PGCKA1: variants seen among roughly 807,000 people sequenced by gnomAD.
PGCKA1 encodes PDCD10 and GCKIII kinases associated 1.
the PGCKA1 span, among the ~76,000 whole-genome samples, chr4:37,457,511 T>G: frequency 1.3e-5 from 2 of 152,252 alleles, no homozygotes; most frequent in African/African-American, 4.8e-5. Context: ...ATTTATTCAC[T>G]TGATCACTAG....
the PGCKA1 span, among the ~76,000 whole-genome samples, chr4:37,518,386 C>G: frequency 6.6e-6 from 1 of 152,198 alleles, no homozygotes; most frequent in Non-Finnish European, 1.5e-5. Flanking sequence ...ACATTCCCAC[C>G]AACAGTGTAT....
the PGCKA1 span, among the ~76,000 whole-genome samples, chr4:37,536,557 G>C: frequency 6.6e-6 from 1 of 152,068 alleles, no homozygotes; most frequent in Non-Finnish European, 1.5e-5. Context: ...GGTCTGAAAA[G>C]GTACACTTCC....
the PGCKA1 span, among the ~76,000 whole-genome samples, chr4:37,469,447 G>C: frequency 6.6e-6 from 1 of 152,122 alleles, no homozygotes. Flanking sequence ...AGGAGAGAAA[G>C]CGTGGAAGAG....
the PGCKA1 span, among the ~76,000 whole-genome samples, chr4:37,503,036 G>A: frequency 6.6e-6 from 1 of 152,080 alleles, no homozygotes; most frequent in Non-Finnish European, 1.5e-5. Context: ...GGCGTCCCTG[G>A]CCATACTCCA....
At chr4:37,474,742 A>T in the PGCKA1 span, among the ~76,000 whole-genome samples, 1 of 152,174 alleles carries the variant, frequency 6.6e-6, no homozygotes, top group African/African-American at 2.4e-5. Flanking sequence ...TGAAGCTAGT[A>T]AGTGACAGAG....
the PGCKA1 span, among the ~76,000 whole-genome samples, chr4:37,462,791 G>A: frequency 3.3e-5 from 5 of 151,564 alleles, no homozygotes; most frequent in African/African-American, 4.8e-5. Flanking sequence ...TCAGGAGATC[G>A]AGGCCATCCT....
chr4:37,590,747 C>A, the PGCKA1 span: 1 of 1,614,118 alleles, frequency 6.2e-7, no homozygotes, highest in Admixed American at 1.7e-5. Flanking sequence ...GGTTTGAATA[C>A]GCCCTTCTCT....
chr4:37,464,974 G>A, the PGCKA1 span, among the ~76,000 whole-genome samples: 48 of 152,292 alleles, frequency 3.2e-4, no homozygotes, highest in Non-Finnish European at 1.6e-4. Flanking sequence ...TAAGTAGGGA[G>A]ACTAAAGAAA....
At chr4:37,459,380 A>G in the PGCKA1 span, among the ~76,000 whole-genome samples, 7 of 152,162 alleles carry the variant, frequency 4.6e-5, no homozygotes, top group Non-Finnish European at 7.3e-5. Flanking sequence ...CCTATTTAGA[A>G]TAGTATCTGT....
the PGCKA1 span, among the ~76,000 whole-genome samples, chr4:37,485,468 C>T: frequency 6.6e-6 from 1 of 152,122 alleles, no homozygotes; most frequent in African/African-American, 2.4e-5. Context: ...TTCCACCTTC[C>T]CCCATGGAAT....
chr4:37,498,088 A>G, the PGCKA1 span, among the ~76,000 whole-genome samples: 1 of 152,204 alleles, frequency 6.6e-6, no homozygotes, highest in African/African-American at 2.4e-5. Context: ...ATTTTTGTAT[A>G]AGGTTAGAGA....
chr4:37,564,242 C>T, the PGCKA1 span, among the ~76,000 whole-genome samples: 15 of 145,510 alleles, frequency 1.0e-4, no homozygotes, highest in Admixed American at 9.9e-4. Flanking sequence ...CCACTGCACT[C>T]CAGCCTGGGT....
At chr4:37,570,503 A>G in the PGCKA1 span, among the ~76,000 whole-genome samples, 1 of 149,834 alleles carries the variant, frequency 6.7e-6, no homozygotes, top group Admixed American at 6.7e-5. Flanking sequence ...TAGATTCATT[A>G]CTGTCTATAA....
chr4:37,479,816 G>A, the PGCKA1 span, among the ~76,000 whole-genome samples: 1 of 152,142 alleles, frequency 6.6e-6, no homozygotes, highest in Non-Finnish European at 1.5e-5. Flanking sequence ...AAAACAAGAA[G>A]CTGTTATAAT....
the PGCKA1 span, among the ~76,000 whole-genome samples, chr4:37,569,985 T>TC: frequency 1.4e-5 from 2 of 146,200 alleles, no homozygotes; most frequent in Non-Finnish European, 3.0e-5. Flanking sequence ...AATCCTTTTT[T>TC]TTTTTTTTTT....
At chr4:37,456,765 A>C in the PGCKA1 span, among the ~76,000 whole-genome samples, 1 of 152,252 alleles carries the variant, frequency 6.6e-6, no homozygotes, top group East Asian at 1.9e-4. Context: ...TAAGCACAGC[A>C]GATCTCTATT....
chr4:37,512,822 C>T, the PGCKA1 span, among the ~76,000 whole-genome samples: 1 of 152,086 alleles, frequency 6.6e-6, no homozygotes, highest in Non-Finnish European at 1.5e-5. Flanking sequence ...GACGAGGTGG[C>T]TCACGCCTCT....
At chr4:37,504,559 T>C in the PGCKA1 span, among the ~76,000 whole-genome samples, 2 of 152,200 alleles carry the variant, frequency 1.3e-5, no homozygotes, top group Non-Finnish European at 2.9e-5. Flanking sequence ...TCCATGAATA[T>C]GGAATACCTT....
chr4:37,468,267 T>C, the PGCKA1 span, among the ~76,000 whole-genome samples: 130,303 of 152,206 alleles, frequency 0.86, 55,848 homozygotes, highest in Admixed American at 0.92. Context: ...CAACCCTGGC[T>C]TGACTATGGG....
Sources: gnomAD v4.1 joint callset for allele counts (sites outside exome capture counted in the v4.1 genomes callset) on GRCh38, gnomAD v4.1.1 for gene constraint, MANE v1.5 for transcripts, NCBI Gene and HGNC (gene_info 2026-07-23, HGNC 2026-07-21) for gene names.